The following SLC31A2 variants were observed in gnomAD, a reference collection of about 807,000 sequenced individuals.
The protein encoded by SLC31A2 is solute carrier family 31 member 2, also known as protein SLC31A2.
Under a neutral mutation model 14.4 loss-of-function variants are expected in SLC31A2, and 16 were observed. That is an observed-to-expected ratio of 1.11 (90% CI 0.75 to 1.69). SLC31A2 has a LOEUF of 1.69. SLC31A2 is among the 40% of genes most tolerant of loss of function. SLC31A2 has a pLI of 0.00. For missense variants in SLC31A2, 140 were observed against 173.9 expected (o/e 0.81, Z 1.10); for synonymous variants, 56 against 68.7 (o/e 0.82, Z 0.91).
intron 3 of SLC31A2, chr9:113,162,285 G>C (rs1830025894): frequency 2.6e-5 from 6 of 233,174 alleles, no homozygotes; most frequent in Non-Finnish European, 8.5e-6. Flanking sequence ...CTGTTTTACT[G>C]ATAAGGAATC....
intron 1 of SLC31A2, among the ~76,000 whole-genome samples, chr9:113,153,696 G>A (rs7028607): frequency 0.64 from 97,425 of 152,088 alleles, 31,461 homozygotes; most frequent in South Asian, 0.73. Context: ...ACACAGAGCT[G>A]TGTGGCTGTT....
rs1830052481 is a variant in SLC31A2, at chr9:113,163,659, G to C, written c.*742G>C. Reference sequence around the variant, plus strand: ...ACACAGGACTGCTTTCAGGCTCCTGGTTTATTCTCTGATAGACTGAGCTCC... The same window carrying C: ...ACACAGGACTGCTTTCAGGCTCCTGCTTTATTCTCTGATAGACTGAGCTCC... On this transcript the variant is annotated 3_prime_UTR_variant, in exon 4 of 4. Coordinates refer to ENST00000259392, the MANE Select transcript of SLC31A2 (RefSeq NM_001860.3). The C allele has an allele frequency of 6.7e-6, 1 of 148,610 alleles. No homozygotes were observed. The allele number at this position is 148,610 out of a possible 1,614,324, so 9.2% of individuals were successfully genotyped here. A position where few individuals can be genotyped will look rare whatever the true frequency, so the allele number is the denominator to read the frequency against.
In SLC31A2 at chr9:113,163,521, C is replaced by CA. The variant is rs916642859; in HGVS notation, c.*611dup. On this transcript the variant is annotated 3_prime_UTR_variant, in exon 4 of 4. Transcript: ENST00000259392. ...TAGTTGGCAATTTTGCACATTCATACAAAAAAATTTTTAATGAAATGATTT... is the reference window on the plus strand; with the variant it reads ...TAGTTGGCAATTTTGCACATTCATACAAAAAAAATTTTTAATGAAATGATTT... The CA allele has an allele frequency of 6.6e-6, 1 of 152,566 alleles. No individual in the cohort carries two copies. Among genetic ancestry groups the CA allele is most frequent in the Non-Finnish European group, 1.5e-5 (1 of 68,014 alleles). 9.5% of individuals were successfully genotyped at this position (152,566 alleles called of 1,614,324 possible).
At chr9:113,156,260 C>T (rs1455981005) in intron 1 of SLC31A2, 3 of 423,316 alleles carry the variant, frequency 7.1e-6, no homozygotes, top group East Asian at 5.8e-5. Flanking sequence ...GAGAGTAACC[C>T]GCTTATAAGG....
At position 113,161,695 on chromosome 9, in the gene SLC31A2, A is replaced by C. The variant is rs371498384; in HGVS notation, c.260A>C (p.His87Pro). ...SDSFPVGRTH[H>P]RWYLCHFGQS... ...TCATTCCCTGTTGGCAGAACCCACC[A>C]CAGGTACAGGCAGTGGGTATGGGAA... Residue 87 changes from histidine (H) to proline (P), a missense_variant, in exon 3 of 4, where the codon CAC (histidine) becomes CCC (proline). By Grantham distance (77) the His-to-Pro change is moderately conservative. Coordinates refer to ENST00000259392, the MANE Select transcript of SLC31A2 (RefSeq NM_001860.3). The C allele has an allele frequency of 3.1e-6, 5 of 1,613,684 alleles. No individual in the cohort carries two copies. Among genetic ancestry groups the C allele is most frequent in the African/African-American group, 2.7e-5 (2 of 74,930 alleles).
At chr9:113,161,253 TG>T (rs1176280314) in intron 2 of SLC31A2, 2 of 466,470 alleles carry the variant, frequency 4.3e-6, no homozygotes, top group Non-Finnish European at 3.8e-6. Context: ...GCTGGGGGAG[TG>T]GGTGGGGTAA....
intron 3 of SLC31A2, 187 bp from the exon 4 acceptor site, chr9:113,162,562 T>G (rs1658698549): frequency 2.3e-6 from 1 of 443,538 alleles, no homozygotes; most frequent in Admixed American, 5.5e-5. Flanking sequence ...TCTTTAAAAA[T>G]AAATCTCGAG....
chr9:113,156,586 G>A (rs967533242), intron 1 of SLC31A2, among the ~76,000 whole-genome samples: 2 of 152,218 alleles, frequency 1.3e-5, no homozygotes, highest in Non-Finnish European at 2.9e-5. Flanking sequence ...GCTTCCACTA[G>A]CTGATTACAA....
intron 2 of SLC31A2, chr9:113,160,922 G>C (rs1462650874): frequency 6.6e-6 from 1 of 152,290 alleles, no homozygotes; most frequent in Non-Finnish European, 1.5e-5. Flanking sequence ...AAATACTTTA[G>C]CTGGACCACT....
chr9:113,162,470 A>C (rs1046819350), intron 3 of SLC31A2: 3 of 300,870 alleles, frequency 1.0e-5, no homozygotes, highest in African/African-American at 6.6e-5. Flanking sequence ...TCCTTATCAG[A>C]AAGACAGATT....
intron 3 of SLC31A2, chr9:113,162,115 C>T: frequency 3.0e-6 from 1 of 334,600 alleles, no homozygotes. Flanking sequence ...CCTCTCCTCC[C>T]TTCCCACTCG....
At chr9:113,152,817 G>A (rs1829885084) in intron 1 of SLC31A2, among the ~76,000 whole-genome samples, 1 of 152,204 alleles carries the variant, frequency 6.6e-6, no homozygotes, top group Non-Finnish European at 1.5e-5. Flanking sequence ...AACATGTCTG[G>A]GCTGTTTTGG....
intron 1 of SLC31A2, among the ~76,000 whole-genome samples, chr9:113,152,801 T>C (rs1053287267): frequency 6.6e-6 from 1 of 152,270 alleles, no homozygotes; most frequent in African/African-American, 2.4e-5. Flanking sequence ...TTCAGGTCTA[T>C]GGCAAAACAT....
At chr9:113,152,188 C>T (rs1439510818) in intron 1 of SLC31A2, 1 of 152,204 alleles carries the variant, frequency 6.6e-6, no homozygotes, top group South Asian at 2.1e-4. Context: ...AGGGATTGCT[C>T]CCTCCTTCAC....
chr9:113,161,480 G>C, intron 2 of SLC31A2, 29 bp from the exon 3 acceptor site: 1 of 1,610,616 alleles, frequency 6.2e-7, no homozygotes, highest in South Asian at 1.1e-5. Flanking sequence ...GGCCTGGCCA[G>C]GTCTCCACAA....
rs1358238792 is a variant in SLC31A2, at chr9:113,163,809, C to A, written c.*892C>A. 2 of 152,626 alleles carry A rather than the reference C, an allele frequency of 1.3e-5. No individual in the cohort carries two copies. The highest frequency in any genetic ancestry group is 4.8e-5 in the African/African-American group (2 of 41,454). 9.5% of individuals were successfully genotyped at this position (152,626 alleles called of 1,614,324 possible). A position where few individuals can be genotyped will look rare whatever the true frequency, so the allele number is the denominator to read the frequency against. ...TTCTTCTATGCAGAACAAAAAGCTGCATCTAATAATGTTCAATACTTAATA... is the reference window on the plus strand; with the variant it reads ...TTCTTCTATGCAGAACAAAAAGCTGAATCTAATAATGTTCAATACTTAATA... On this transcript the variant is annotated 3_prime_UTR_variant, in exon 4 of 4. Coordinates refer to ENST00000259392, the MANE Select transcript of SLC31A2 (RefSeq NM_001860.3).
intron 1 of SLC31A2, 30 bp from the exon 2 acceptor site, chr9:113,157,697 C>G (rs951945719): frequency 6.3e-7 from 1 of 1,576,826 alleles, no homozygotes; most frequent in East Asian, 2.3e-5. Flanking sequence ...TGCCCTGTGC[C>G]CCTATGATGC....
In SLC31A2 at chr9:113,162,905, C is replaced by A. The variant is rs758956252; in HGVS notation, c.420C>A (p.Leu140=). 26 of 1,610,154 alleles carry A rather than the reference C, an allele frequency of 1.6e-5. 1 individual carries two copies. In the East Asian group the frequency reaches 2.9e-4, roughly 18 times the overall value. ...AVGYYLAYPL[L]STA ...GCTACTACCTAGCTTACCCACTTCT[C>A]AGCACAGCTTAGCTGGTGAGGAACG... The change falls in exon 4 of 4, where the codon CTC becomes CTA. Residue 140 remains leucine (L), a synonymous_variant. Coordinates refer to ENST00000259392, the MANE Select transcript of SLC31A2 (RefSeq NM_001860.3).
In SLC31A2 at chr9:113,164,021, AAG is replaced by A. The variant is rs1362833387; in HGVS notation, c.*1110_*1111del. ...AACCTCTTCACTTTATAAAAAAGGA[AAG>A]AGAGAAAATCACTGCTGTATACTAA... On this transcript the variant is annotated 3_prime_UTR_variant, in exon 4 of 4. Transcript: ENST00000259392. 2 of 152,778 alleles carry A rather than the reference AAG, an allele frequency of 1.3e-5. No individual in the cohort carries two copies. The highest frequency in any genetic ancestry group is 2.4e-5 in the African/African-American group (1 of 41,574). The allele number at this position is 152,778 out of a possible 1,614,324, so 9.5% of individuals were successfully genotyped here.
Sources: allele counts gnomAD v4.1 joint callset (sites outside exome capture counted in the v4.1 genomes callset), GRCh38; gene constraint gnomAD v4.1.1; transcripts MANE v1.5; gene names NCBI Gene and HGNC (gene_info 2026-07-23, HGNC 2026-07-21).